MCPH1: variants seen among roughly 807,000 people sequenced by gnomAD.
MCPH1 encodes microcephalin 1.
MCPH1 carries 104 observed loss-of-function variants against 84.5 expected under a neutral mutation model. That is an observed-to-expected ratio of 1.23 (90% CI 1.05 to 1.45). The LOEUF (loss-of-function observed/expected upper bound fraction) is 1.45. MCPH1 is among the 40% of genes most tolerant of loss of function. The pLI, the probability that MCPH1 is intolerant of heterozygous loss-of-function variation, is 0.00. For missense variants in MCPH1, 1,498 were observed against 1,005.7 expected (o/e 1.49, Z -6.62); for synonymous variants, 514 against 366.8 (o/e 1.40, Z -4.58).
chr8:6,584,320 C>G (rs1827806007), intron 12 of MCPH1, among the ~76,000 whole-genome samples: 1 of 152,186 alleles, frequency 6.6e-6, no homozygotes, highest in Non-Finnish European at 1.5e-5. Context: ...ATTCATATCA[C>G]AGTCTAGGGT....
intron 12 of MCPH1, among the ~76,000 whole-genome samples, chr8:6,511,166 T>C (rs1815007735): frequency 6.6e-6 from 1 of 152,194 alleles, no homozygotes; most frequent in Non-Finnish European, 1.5e-5. Flanking sequence ...TATGAGTCTC[T>C]GTTAGAAAGG....
chr8:6,600,170 A>G (rs1702471352), intron 12 of MCPH1, among the ~76,000 whole-genome samples: 1 of 152,264 alleles, frequency 6.6e-6, no homozygotes, highest in South Asian at 2.1e-4. Context: ...GGATTAGGCC[A>G]GGACATTGCT....
intron 12 of MCPH1, among the ~76,000 whole-genome samples, chr8:6,569,732 C>T (rs561664404): frequency 1.3e-5 from 2 of 152,276 alleles, no homozygotes; most frequent in South Asian, 4.1e-4. Context: ...AATTTTGCCC[C>T]TCTTTAACAT....
At chr8:6,430,487 C>G (rs1480445221) in intron 3 of MCPH1, among the ~76,000 whole-genome samples, 1 of 152,218 alleles carries the variant, frequency 6.6e-6, no homozygotes, top group Non-Finnish European at 1.5e-5. Flanking sequence ...ATTCACTACC[C>G]TAGTGTCACT....
intron 12 of MCPH1, chr8:6,618,754 AC>A (rs1831111810): frequency 6.6e-6 from 1 of 152,206 alleles, no homozygotes; most frequent in African/African-American, 2.4e-5. Flanking sequence ...CAAAAACTTA[AC>A]AAAAAAGTCA....
At chr8:6,452,718 A>G (rs1300002317) in intron 8 of MCPH1, among the ~76,000 whole-genome samples, 1 of 152,258 alleles carries the variant, frequency 6.6e-6, no homozygotes, top group Non-Finnish European at 1.5e-5. Context: ...CCATGTGAAG[A>G]CAGCAAGAAG....
intron 12 of MCPH1, among the ~76,000 whole-genome samples, chr8:6,547,392 G>T (rs1448219562): frequency 2.6e-5 from 4 of 151,958 alleles, no homozygotes; most frequent in Admixed American, 6.6e-5. Flanking sequence ...CTCTTGCAAT[G>T]GAAGCTAGTG....
At position 6,444,764 on chromosome 8, in the gene MCPH1, A is replaced by G; in HGVS notation, c.1042A>G (p.Arg348Gly). The G allele has an allele frequency of 6.2e-7, 1 of 1,614,130 alleles. No homozygotes were observed. The highest frequency in any genetic ancestry group is 2.2e-5 in the East Asian group (1 of 44,882). ...AAAAGGCCACCTTTTGATACATTCA[A>G]GACCCAGGAGTTCCTCAGTAAAGAG... is the stretch of plus-strand genomic sequence containing the variant. ...STKGHLLIHS[R>G]PRSSSVKRKR... Residue 348 changes from arginine to glycine, a missense_variant, in exon 8 of 14, where the codon AGA (arginine) becomes GGA (glycine). Coordinates refer to ENST00000344683, the MANE Select transcript of MCPH1 (RefSeq NM_024596.5).
chr8:6,444,326 A>T, intron 7 of MCPH1, 67 bp from the exon 8 acceptor site: 1 of 1,591,736 alleles, frequency 6.3e-7, no homozygotes, highest in Middle Eastern at 1.7e-4. Flanking sequence ...TTATTGGTCA[A>T]CTGAAAGTTG....
chr8:6,432,317 T>C lies in MCPH1; in HGVS notation c.321+731T>C, dbSNP rs575420108. 4.6e-5 allele frequency among the ~76,000 whole-genome samples: 7 copies of C among 152,362 alleles called. No homozygotes were observed. In the South Asian group the frequency reaches 1.4e-3, roughly 32 times the overall value. ...GGATTATTTAAAATACCTAATACAATGTGAATGCTTTGTAAATAGTTGTTA... is the reference window on the plus strand; with the variant it reads ...GGATTATTTAAAATACCTAATACAACGTGAATGCTTTGTAAATAGTTGTTA... On this transcript the variant is annotated intron_variant, in intron 4 of 13. Coordinates refer to ENST00000344683, the MANE Select transcript of MCPH1 (RefSeq NM_024596.5).
At chr8:6,561,535 A>G (rs2129575813) in intron 12 of MCPH1, among the ~76,000 whole-genome samples, 1 of 152,352 alleles carries the variant, frequency 6.6e-6, no homozygotes, top group African/African-American at 2.4e-5. Flanking sequence ...AAAGAGTGAG[A>G]AAATAATTGT....
At chr8:6,566,728 C>A (rs1280610523) in intron 12 of MCPH1, among the ~76,000 whole-genome samples, 1 of 150,854 alleles carries the variant, frequency 6.6e-6, no homozygotes, top group Non-Finnish European at 1.5e-5. Flanking sequence ...TCGGCAAGGC[C>A]ATGGATAGTG....
intron 9 of MCPH1, among the ~76,000 whole-genome samples, chr8:6,458,653 T>A (rs1376587627): frequency 6.6e-6 from 1 of 152,136 alleles, no homozygotes; most frequent in East Asian, 1.9e-4. Flanking sequence ...TTATTTTATT[T>A]TATTTTTCTG....
intron 12 of MCPH1, among the ~76,000 whole-genome samples, chr8:6,594,145 G>T (rs561432541): frequency 8.6e-4 from 131 of 152,364 alleles, no homozygotes; most frequent in African/African-American, 3.1e-3. Context: ...GGGTGTGGCT[G>T]CAGGGCCTAG....
At chr8:6,621,423 CTCTGTAAT>C in intron 12 of MCPH1, 23 bp from the exon 13 acceptor site, 1 of 1,612,834 alleles carries the variant, frequency 6.2e-7, no homozygotes, top group East Asian at 2.2e-5. Context: ...GTGGTCCCAC[CTCTGTAAT>C]TCTATCTCTG....
intron 12 of MCPH1, among the ~76,000 whole-genome samples, chr8:6,591,463 C>T (rs1828447425): frequency 6.6e-6 from 1 of 151,800 alleles, no homozygotes; most frequent in Non-Finnish European, 1.5e-5. Flanking sequence ...CCATGGAAAT[C>T]ACCCCATGTG....
chr8:6,617,050 G>A (rs1032110270), intron 12 of MCPH1: 1 of 152,068 alleles, frequency 6.6e-6, no homozygotes, highest in African/African-American at 2.4e-5. Context: ...CTGTGGGCAG[G>A]AAATGAATTC....
intron 13 of MCPH1, among the ~76,000 whole-genome samples, chr8:6,629,590 A>G (rs768276446): frequency 2.6e-5 from 4 of 152,228 alleles, no homozygotes; most frequent in Non-Finnish European, 5.9e-5. Context: ...AGGAAGCCTC[A>G]GGAGAAACTA....
At chr8:6,545,801 C>T (rs1017873799) in intron 12 of MCPH1, among the ~76,000 whole-genome samples, 2 of 152,150 alleles carry the variant, frequency 1.3e-5, no homozygotes, top group Non-Finnish European at 2.9e-5. Context: ...ATAGTTCTAC[C>T]CATTGCCCAT....
Sources: gnomAD v4.1 joint callset for allele counts (sites outside exome capture counted in the v4.1 genomes callset) on GRCh38, gnomAD v4.1.1 for gene constraint, MANE v1.5 for transcripts, NCBI Gene and HGNC (gene_info 2026-07-23, HGNC 2026-07-21) for gene names.